CDH4: variants seen among roughly 807,000 people sequenced by gnomAD.
CDH4 encodes the protein cadherin-4.
In CDH4, 33 loss-of-function variants were observed where a neutral mutation model predicts 86.0. The observed-to-expected ratio is 0.38, with a 90% confidence interval of 0.29 to 0.51. CDH4 has a LOEUF of 0.51. CDH4 is among the 20% of genes least tolerant of loss of function. CDH4 has a pLI of 0.86. For synonymous variants in CDH4, 555 were observed against 549.4 expected, an observed-to-expected ratio of 1.01 and a Z score of -0.14; for missense variants, 1,114 against 1,307.4, an observed-to-expected ratio of 0.85 and a Z score of 2.28.
rs533065082 is a variant in CDH4, at chr20:61,896,893, C to T, written c.1188+1846C>T. On this transcript the variant is annotated intron_variant, in intron 8 of 15. Transcript: ENST00000614565. ...CCCAGCTGTCCTTCCTCCCTGACTC[C>T]GAGAAAGAAAAGGAAGTGATGGCAG... 5.9e-5 allele frequency among the ~76,000 whole-genome samples: 9 copies of T among 152,206 alleles called. No homozygotes were observed. In the South Asian group the frequency reaches 1.5e-3, roughly 25 times the overall value.
chr20:61,272,463 A>G lies in CDH4; in HGVS notation c.169+17526A>G, dbSNP rs556267251. Among the ~76,000 whole-genome samples the G allele has an allele frequency of 6.6e-4, 100 of 152,334 alleles. 2 individuals carry two copies. In the South Asian group the frequency reaches 0.02, roughly 30 times the overall value. On this transcript the variant is annotated intron_variant, in intron 2 of 15. Transcript: ENST00000614565. ...AGACATCCCTTCCGTGCAGTTATCT[A>G]GGAATTGTCTTATTGCATTTCTCCC...
In CDH4 at chr20:61,798,707, A is replaced by G. The variant is rs531320972; in HGVS notation, c.576+25525A>G. Among the ~76,000 whole-genome samples, 19 of 152,344 alleles carry G rather than the reference A, an allele frequency of 1.2e-4. No individual in the cohort carries two copies. In the South Asian group the frequency reaches 3.9e-3, roughly 32 times the overall value. ...TTCTCACAAGCCAGGGACCCTGGAC[A>G]GCCTGCTTCTTCCTCCTTGCAGAAG... is the stretch of plus-strand genomic sequence containing the variant. On this transcript the variant is annotated intron_variant, in intron 4 of 15. Coordinates refer to ENST00000614565, the MANE Select transcript of CDH4 (RefSeq NM_001794.5).
intron 3 of CDH4, among the ~76,000 whole-genome samples, chr20:61,771,606 A>AGTGAGAC (rs2088776606): frequency 7.4e-6 from 1 of 135,150 alleles, no homozygotes; most frequent in South Asian, 2.4e-4. Flanking sequence ...TGGATGACAC[A>AGTGAGAC]GTGAGACTCC....
At chr20:61,564,078 C>A (rs921262549) in intron 2 of CDH4, among the ~76,000 whole-genome samples, 2 of 152,142 alleles carry the variant, frequency 1.3e-5, no homozygotes, top group Non-Finnish European at 2.9e-5. Flanking sequence ...GTGAGGACAG[C>A]GTTTGTGTTT....
intron 2 of CDH4, among the ~76,000 whole-genome samples, chr20:61,699,546 G>C (rs2087751695): frequency 6.6e-6 from 1 of 152,184 alleles, no homozygotes. Flanking sequence ...GTCCACTCGA[G>C]AAAGTGTTAT....
Position 61,939,053 on chromosome 20 carries a change from T to G in CDH4, c.*2110T>G, listed in dbSNP as rs926735086. On this transcript the variant is annotated 3_prime_UTR_variant, in exon 16 of 16. Transcript: ENST00000614565. The stretch of plus-strand genomic sequence containing the variant: ...TGTGCTATGCAAACAAGAATGCTCC[T>G]GTGTGGGGGGGCATGGCCGTTGGAG... 6.6e-6 allele frequency: 1 copy of G among 152,344 alleles called. No homozygotes were observed. Among genetic ancestry groups the G allele is most frequent in the African/African-American group, 2.4e-5 (1 of 41,446 alleles). 9.4% of individuals were successfully genotyped at this position (152,344 alleles called of 1,614,324 possible).
intron 2 of CDH4, among the ~76,000 whole-genome samples, chr20:61,310,656 G>C (rs974957650): frequency 9.2e-5 from 14 of 152,218 alleles, no homozygotes; most frequent in Admixed American, 8.5e-4. Flanking sequence ...CCCCGGGGTT[G>C]GGTACCCGCA....
At chr20:61,679,254 C>T (rs762676907) in intron 2 of CDH4, among the ~76,000 whole-genome samples, 2 of 152,182 alleles carry the variant, frequency 1.3e-5, no homozygotes, top group Admixed American at 6.5e-5. Context: ...CCTGTGTCCT[C>T]GTCTCTCTTA....
chr20:61,613,283 C>G (rs932911849), intron 2 of CDH4, among the ~76,000 whole-genome samples: 13 of 152,136 alleles, frequency 8.5e-5, no homozygotes, highest in African/African-American at 3.1e-4. Flanking sequence ...GACACAGCTG[C>G]TGCCTTCCAG....
chr20:61,576,408 T>A (rs1190670769), intron 2 of CDH4, among the ~76,000 whole-genome samples: 1 of 152,164 alleles, frequency 6.6e-6, no homozygotes, highest in East Asian at 1.9e-4. Flanking sequence ...ACAGATTAAC[T>A]GACCACCCTA....
chr20:61,307,997 GCCACATGCCGAGT>G (rs1441638726), intron 2 of CDH4, among the ~76,000 whole-genome samples: 1 of 152,240 alleles, frequency 6.6e-6, no homozygotes, highest in Admixed American at 6.5e-5. Flanking sequence ...CCACTGAACA[GCCACATGCCGAGT>G]CCAGGCATGG....
intron 8 of CDH4, among the ~76,000 whole-genome samples, chr20:61,903,953 C>G (rs1303195729): frequency 6.6e-6 from 1 of 152,226 alleles, no homozygotes; most frequent in African/African-American, 2.4e-5. Context: ...GCAAGCTTCT[C>G]CTCTCTGCTG....
At chr20:61,808,967 A>G (rs1203359911) in intron 4 of CDH4, among the ~76,000 whole-genome samples, 1 of 152,240 alleles carries the variant, frequency 6.6e-6, no homozygotes, top group African/African-American at 2.4e-5. Flanking sequence ...GATTAAATAC[A>G]ATGTCAATAC....
chr20:61,366,940 C>T (rs1298859826), intron 2 of CDH4, among the ~76,000 whole-genome samples: 5 of 152,086 alleles, frequency 3.3e-5, no homozygotes, highest in Non-Finnish European at 5.9e-5. Context: ...GGGGTCATAG[C>T]CCTGGACAAC....
At chr20:61,431,161 G>T (rs2085244287) in intron 2 of CDH4, among the ~76,000 whole-genome samples, 1 of 152,204 alleles carries the variant, frequency 6.6e-6, no homozygotes, top group Non-Finnish European at 1.5e-5. Flanking sequence ...GTGGGTAGAG[G>T]ATCAGGTGGA....
chr20:61,546,593 T>C (rs774628773), intron 2 of CDH4, among the ~76,000 whole-genome samples: 1 of 150,492 alleles, frequency 6.6e-6, no homozygotes, highest in Non-Finnish European at 1.5e-5. Flanking sequence ...GGGAGGGGGG[T>C]GTGTGTTTCC....
intron 2 of CDH4, among the ~76,000 whole-genome samples, chr20:61,428,732 G>C (rs2085228266): frequency 6.6e-6 from 1 of 152,140 alleles, no homozygotes; most frequent in Non-Finnish European, 1.5e-5. Flanking sequence ...TGGTGTGTTT[G>C]TCACTTTGAA....
intron 4 of CDH4, among the ~76,000 whole-genome samples, chr20:61,777,587 T>C (rs1452307959): frequency 2.6e-5 from 4 of 152,130 alleles, no homozygotes; most frequent in Non-Finnish European, 5.9e-5. Context: ...AAGAACTCAG[T>C]GCATGTGCAC....
chr20:61,684,249 G>T lies in CDH4; in HGVS notation c.170-59314G>T, dbSNP rs80274824. Among the ~76,000 whole-genome samples, 3 of 152,144 alleles carry T rather than the reference G, an allele frequency of 2.0e-5. No homozygotes were observed. Among genetic ancestry groups the T allele is most frequent in the Non-Finnish European group, 2.9e-5 (2 of 68,044 alleles). On this transcript the variant is annotated intron_variant, in intron 2 of 15. Coordinates refer to ENST00000614565, the MANE Select transcript of CDH4 (RefSeq NM_001794.5). The surrounding 1 kb of genome is among the most constrained non-coding windows in gnomAD (Gnocchi z 4.5). Reference sequence around the variant, plus strand: ...GTGCTGTGAATGAGGGGGACTGGCCGGCCTGGGAAGTGGCCTGGGAGGTGC... The same window carrying T: ...GTGCTGTGAATGAGGGGGACTGGCCTGCCTGGGAAGTGGCCTGGGAGGTGC...
Sources: allele counts gnomAD v4.1 joint callset (sites outside exome capture counted in the v4.1 genomes callset), GRCh38; gene constraint gnomAD v4.1.1; non-coding constraint Gnocchi (gnomAD v3.1); transcripts MANE v1.5; gene names NCBI Gene and HGNC (gene_info 2026-07-23, HGNC 2026-07-21).